NOP53: variants seen among roughly 807,000 people sequenced by gnomAD.
NOP53 encodes ribosome biogenesis protein NOP53.
NOP53 carries 40 observed loss-of-function variants against 61.0 expected under a neutral mutation model. The ratio of observed to expected loss-of-function variants is 0.66; its 90% confidence interval spans 0.51 to 0.85. The LOEUF is 0.85. Among genes scored for constraint, NOP53 ranks in the 40% least tolerant of loss-of-function variants. NOP53 has a pLI of 0.00. For missense variants in NOP53, 689 were observed against 652.9 expected (o/e 1.06, Z -0.60); for synonymous variants, 308 against 289.5 (o/e 1.06, Z -0.65).
At position 47,756,549 on chromosome 19, in the gene NOP53, G is replaced by T; in HGVS notation, c.1318G>T (p.Asp440Tyr). The stretch of plus-strand genomic sequence containing the variant: ...GTAGCCCGAGGGCAACATCCTTCGA[G>T]ACCGGTTCAAGAGCTTCCAGAGGAG... ...TLKPEGNILR[D>Y]RFKSFQRRNM... is the part of the protein sequence containing the mutation. Residue 440 changes from aspartate (D) to tyrosine (Y), a missense_variant, in exon 11 of 13, where the codon GAC (aspartate) becomes TAC (tyrosine). Physicochemically the swap from Asp to Tyr is radical, Grantham distance 160. Transcript: ENST00000246802. 1 of 1,614,046 alleles carries T rather than the reference G, an allele frequency of 6.2e-7. No homozygotes were observed. Among genetic ancestry groups the T allele is most frequent in the East Asian group, 2.2e-5 (1 of 44,864 alleles).
Position 47,755,431 on chromosome 19 carries a change from C to T in NOP53, c.1137C>T (p.Ala379=), listed in dbSNP as rs927992795. 2.7e-5 allele frequency: 42 copies of T among 1,529,974 alleles called. No individual in the cohort carries two copies. Among genetic ancestry groups the T allele is most frequent in the Non-Finnish European group, 3.7e-5 (42 of 1,141,882 alleles). The allele number at this position is 1,529,974 out of a possible 1,614,324, so 94.8% of individuals were successfully genotyped here. ...FRLRGIKAQV[A]LRLAELARRQ... ...TGCGCGGGATCAAGGCCCAGGTGGC[C>T]CTGAGGCTGGCGGAGCTGGCGCGGC... The change falls in exon 9 of 13, where the codon GCC becomes GCT. Residue 379 remains alanine, a synonymous_variant. Transcript: ENST00000246802.
intron 1 of NOP53, chr19:47,746,458 G>A (rs970636580): frequency 6.5e-6 from 1 of 152,994 alleles, no homozygotes; most frequent in South Asian, 2.0e-4. Flanking sequence ...CTGCCTCCTG[G>A]GTTCAAGTGA....
At position 47,755,807 on chromosome 19, in the gene NOP53, G is replaced by T. The variant is rs563493472; in HGVS notation, c.1281G>T (p.Ser427=). The change falls in exon 10 of 13, where the codon TCG becomes TCT. Residue 427 remains serine (S), a synonymous_variant. Transcript: ENST00000246802. ...AGCTGAGCTCGGAGCTGACAGACTC[G>T]CTCAGGACCCTGAAGGTGCTCACTG... is the stretch of plus-strand genomic sequence containing the variant. ...DVQLSSELTD[S]LRTLKPEGNI... The T allele has an allele frequency of 4.9e-5, 79 of 1,609,186 alleles. No individual in the cohort carries two copies. In the South Asian group the frequency reaches 8.0e-4, roughly 16 times the overall value.
intron 6 of NOP53, chr19:47,752,851 G>C (rs1967141683): frequency 6.0e-6 from 3 of 500,616 alleles, no homozygotes; most frequent in East Asian, 6.4e-5. Context: ...CCCGGGAGGA[G>C]GGGTCGCCTG....
At position 47,755,816 on chromosome 19, in the gene NOP53, C is replaced by A; in HGVS notation, c.1290C>A (p.Thr430=). 6.2e-7 allele frequency: 1 copy of A among 1,607,830 alleles called. No homozygotes were observed. Among genetic ancestry groups the A allele is most frequent in the South Asian group, 1.1e-5 (1 of 89,816 alleles). Residue 430 remains threonine, a synonymous_variant, in exon 10 of 13, where the codon ACC becomes ACA. Coordinates refer to ENST00000246802, the MANE Select transcript of NOP53 (RefSeq NM_015710.5). ...LSSELTDSLR[T]LKPEGNILRD... is the part of the protein sequence containing the mutation. ...CGGAGCTGACAGACTCGCTCAGGAC[C>A]CTGAAGGTGCTCACTGTGTCCTGCC...
At chr19:47,756,427 G>C in intron 10 of NOP53, 101 bp from the exon 11 acceptor site, 1 of 882,978 alleles carries the variant, frequency 1.1e-6, no homozygotes, top group South Asian at 1.5e-5. Flanking sequence ...CTGCCCTGGG[G>C]GGAGACTGCA....
chr19:47,753,725 A>G (rs10422531), intron 6 of NOP53: 113,254 of 152,072 alleles, frequency 0.74, 42,750 homozygotes, highest in African/African-American at 0.86. Context: ...TCAGACATTC[A>G]CTTTTAGATT....
In NOP53 at chr19:47,754,970, G is replaced by C; in HGVS notation, c.1053+79G>C. 1 of 1,338,064 alleles carries C rather than the reference G, an allele frequency of 7.5e-7. No individual in the cohort carries two copies. The allele number at this position is 1,338,064 out of a possible 1,614,324, so 82.9% of individuals were successfully genotyped here. ...TTCCTCCCACCATGGGCTGCCCTGG[G>C]TGCTGCGGGCAGCCTGCACACCCCA... On this transcript the variant is annotated intron_variant, in intron 8 of 12. Transcript: ENST00000246802. This position sits in a 1 kb window ranked among gnomAD's most constrained non-coding sequence, Gnocchi z 4.2.
chr19:47,750,315 C>G (rs762835743), intron 3 of NOP53, 29 bp downstream of exon 3: 15 of 1,376,352 alleles, frequency 1.1e-5, no homozygotes, highest in Non-Finnish European at 1.6e-5. Flanking sequence ...CTGGGCCCTT[C>G]TTTCCCACCA....
At chr19:47,755,188 C>T (rs1022545022) in intron 8 of NOP53, among the ~76,000 whole-genome samples, 160 bp from the exon 9 acceptor site, 3 of 152,172 alleles carry the variant, frequency 2.0e-5, no homozygotes, top group South Asian at 2.1e-4. Flanking sequence ...CTTCAGCAAA[C>T]AGCTGCTGGG....
In NOP53 at chr19:47,754,419, CGG is replaced by C; in HGVS notation, c.766-105_766-104del. 1 of 858,480 alleles carries C rather than the reference CGG, an allele frequency of 1.2e-6. No individual in the cohort carries two copies. The highest frequency in any genetic ancestry group is 1.9e-6 in the Non-Finnish European group (1 of 534,150). 53.2% of individuals were successfully genotyped at this position (858,480 alleles called of 1,614,324 possible). On this transcript the variant is annotated intron_variant, in intron 6 of 12. Transcript: ENST00000246802. The surrounding 1 kb of genome is among the most constrained non-coding windows in gnomAD (Gnocchi z 4.2). ...GGGGTGTGGGGAGGAAAGCCTGGGC[CGG>C]GGCGGGATCCACGGGCACTGGATGA...
chr19:47,755,988 G>C (rs772136543), intron 10 of NOP53, 166 bp downstream of exon 10: 1 of 609,882 alleles, frequency 1.6e-6, no homozygotes, highest in Non-Finnish European at 2.9e-6. Context: ...AGATCCCAGG[G>C]TGAGGGGCCA....
At chr19:47,756,479 C>T in intron 10 of NOP53, 49 bp from the exon 11 acceptor site, 1 of 1,503,254 alleles carries the variant, frequency 6.7e-7, no homozygotes, top group Non-Finnish European at 9.2e-7. Context: ...AGGTCCAGGC[C>T]CTTGGGCTTC....
At chr19:47,756,790 C>T in intron 12 of NOP53, 46 bp downstream of exon 12, 1 of 1,590,568 alleles carries the variant, frequency 6.3e-7, no homozygotes, top group East Asian at 2.2e-5. Flanking sequence ...CCTTCTCCCA[C>T]CCCGTGGTGC....
rs762256139 is a variant in NOP53, at chr19:47,754,585, T to C, written c.824T>C (p.Leu275Pro). The C allele has an allele frequency of 6.4e-7, 1 of 1,552,398 alleles. No homozygotes were observed. Among genetic ancestry groups the C allele is most frequent in the Non-Finnish European group, 8.7e-7 (1 of 1,149,108 alleles). The change falls in exon 7 of 13, where the codon CTG (leucine) becomes CCG (proline). Residue 275 changes from leucine to proline, a missense_variant. Physicochemically the swap from Leu to Pro is moderately conservative, Grantham distance 98. Transcript: ENST00000246802. The surrounding 1 kb of genome is among the most constrained non-coding windows in gnomAD (Gnocchi z 4.2). ...CAGCGGCAGAAGGAGGCGGAGAAGC[T>C]GGAGCGGCAGCTGGCCCTGCCCGCC... ...ELQRQKEAEK[L>P]ERQLALPATE...
At position 47,746,929 on chromosome 19, in the gene NOP53, A is replaced by C. The variant is rs769406078; in HGVS notation, c.225-38A>C. 8 of 1,570,908 alleles carry C rather than the reference A, an allele frequency of 5.1e-6. No individual in the cohort carries two copies. In the South Asian group the frequency reaches 8.9e-5, roughly 17 times the overall value. Reference sequence around the variant, plus strand: ...GCCAGGTTAAATCTCTTTCCTCTCCAACATCTCTGGCTGATGTTCTGCATT... The same window carrying C: ...GCCAGGTTAAATCTCTTTCCTCTCCCACATCTCTGGCTGATGTTCTGCATT... On this transcript the variant is annotated intron_variant, in intron 1 of 12. Coordinates refer to ENST00000246802, the MANE Select transcript of NOP53 (RefSeq NM_015710.5).
At position 47,745,600 on chromosome 19, in the gene NOP53, C is replaced by T. The variant is rs1967050352; in HGVS notation, c.41C>T (p.Ser14Leu). 2 of 1,613,882 alleles carry T rather than the reference C, an allele frequency of 1.2e-6. No homozygotes were observed. The highest frequency in any genetic ancestry group is 1.7e-5 in the Admixed American group (1 of 59,972). Residue 14 changes from serine (S) to leucine (L), a missense_variant, in exon 1 of 13, where the codon TCG becomes TTG. Ser to Leu is a moderately radical substitution (Grantham distance 145, BLOSUM62 -2). Coordinates refer to ENST00000246802, the MANE Select transcript of NOP53 (RefSeq NM_015710.5). ...GGSGVGGKRS[S>L]KSDADSGFLG... ...AGTGGCGTTGGTGGGAAGCGCAGCT[C>T]GAAAAGCGATGCCGATTCTGGTTTC...
chr19:47,745,647 G>A lies in NOP53; in HGVS notation c.88G>A (p.Val30Met). 1 of 1,614,016 alleles carries A rather than the reference G, an allele frequency of 6.2e-7. No homozygotes were observed. Among genetic ancestry groups the A allele is most frequent in the Non-Finnish European group, 8.5e-7 (1 of 1,179,980 alleles). The change falls in exon 1 of 13, where the codon GTG becomes ATG. Residue 30 changes from valine (V) to methionine (M), a missense_variant. Transcript: ENST00000246802. ...TTTCCTGGGGCTGCGGCCCACTTCG[G>A]TGGACCCAGCGCTGAGGCGGCGGCG... ...SGFLGLRPTSVDPALRRRRRG... is the reference protein window; with the variant it reads ...SGFLGLRPTSMDPALRRRRRG...
At position 47,755,891 on chromosome 19, in the gene NOP53, C is replaced by T. The variant is rs775650447; in HGVS notation, c.1296+69C>T. 6.2e-5 allele frequency: 83 copies of T among 1,344,986 alleles called. 1 individual carries two copies. The South Asian group carries it at 9.3e-4, about 15-fold the overall frequency. 83.3% of individuals were successfully genotyped at this position (1,344,986 alleles called of 1,614,324 possible). On this transcript the variant is annotated intron_variant, in intron 10 of 12. Coordinates refer to ENST00000246802, the MANE Select transcript of NOP53 (RefSeq NM_015710.5). ...CACCATCCTTGCTCCCCGTGCCCCC[C>T]AGGGGCTATGGGCGACACCATGGCT... is the stretch of plus-strand genomic sequence containing the variant.
Sources: gnomAD v4.1 joint callset for allele counts (sites outside exome capture counted in the v4.1 genomes callset) on GRCh38, gnomAD v4.1.1 for gene constraint, Gnocchi (gnomAD v3.1) non-coding constraint, MANE v1.5 for transcripts, NCBI Gene and HGNC (gene_info 2026-07-23, HGNC 2026-07-21) for gene names.